Variants in RIPOR2 observed in about 807,000 individuals in gnomAD.
RIPOR2 encodes rho family-interacting cell polarization regulator 2.
In RIPOR2, 39 loss-of-function variants were observed where a neutral mutation model predicts 114.5. That is an observed-to-expected ratio of 0.34 (90% CI 0.26 to 0.44). The LOEUF (loss-of-function observed/expected upper bound fraction) is 0.44. Ranked by LOEUF, RIPOR2 falls within the 20% of genes least tolerant of loss-of-function variation. The probability of loss-of-function intolerance (pLI) is 1.00; values close to 1 mark genes in which losing one functional copy is unlikely to be tolerated. For synonymous variants in RIPOR2, 445 were observed against 484.4 expected, an observed-to-expected ratio of 0.92 and a Z score of 1.07; for missense variants, 1,007 against 1,255.1, an observed-to-expected ratio of 0.80 and a Z score of 2.99.
chr6:24,967,909 C>A (rs886521201), intron 1 of RIPOR2, among the ~76,000 whole-genome samples: 5 of 123,518 alleles, frequency 4.0e-5, no homozygotes, highest in African/African-American at 1.3e-4. Flanking sequence ...AGATCTCAAT[C>A]TTTTTTTTTT....
intron 1 of RIPOR2, among the ~76,000 whole-genome samples, chr6:24,982,659 T>C (rs1421960923): frequency 1.3e-5 from 2 of 152,212 alleles, no homozygotes; most frequent in Non-Finnish European, 2.9e-5. Context: ...CTTCTCTACA[T>C]ATAAAATGGG....
At chr6:24,838,593 A>C (rs909460527) in intron 14 of RIPOR2, among the ~76,000 whole-genome samples, 1 of 152,138 alleles carries the variant, frequency 6.6e-6, no homozygotes, top group African/African-American at 2.4e-5. Context: ...GGAGTTCAAG[A>C]CCAGCTTGGC....
At position 24,843,128 on chromosome 6, in the gene RIPOR2, T is replaced by G. The variant is rs1180771051; in HGVS notation, c.1591A>C (p.Lys531Gln). 1 of 1,614,006 alleles carries G rather than the reference T, an allele frequency of 6.2e-7. No individual in the cohort carries two copies. The highest frequency in any genetic ancestry group is 1.3e-5 in the African/African-American group (1 of 75,064). ...TCCGAAGTGTCCAGTTCCACAGGCT[T>G]GAGCTCAGAGGCCTCCTCAGACTCT... ...LQESEEASEL[K>Q]PVELDTSEGN... Residue 531 changes from lysine to glutamine, a missense_variant, in exon 13 of 22, where the codon AAG becomes CAG. Lys to Gln is a moderately conservative substitution (Grantham distance 53). Transcript: ENST00000643898.
rs116326751 is a variant in RIPOR2 at position 24,998,120 on chromosome 6, C to T, written c.76+43731G>A. 6.3e-3 allele frequency among the ~76,000 whole-genome samples: 956 copies of T among 152,226 alleles called. 8 individuals carry two copies. Among genetic ancestry groups the T allele is most frequent in the Middle Eastern group, 0.014 (4 of 294 alleles). On this transcript the variant is annotated intron_variant, in intron 1 of 13. Transcript: ENST00000510784. ...ATTTTCAGATGTAAATTAGCCCACA[C>T]TCTTAAACTGCCAAGCCCCTCTTTT...
At chr6:25,002,319 G>A (rs1376827293) in intron 1 of RIPOR2, among the ~76,000 whole-genome samples, 7 of 152,154 alleles carry the variant, frequency 4.6e-5, no homozygotes, top group African/African-American at 1.4e-4. Flanking sequence ...AGAACATAAC[G>A]TATGTCCTCC....
chr6:25,018,720 C>G (rs1776147550), intron 1 of RIPOR2, among the ~76,000 whole-genome samples: 1 of 152,086 alleles, frequency 6.6e-6, no homozygotes, highest in Non-Finnish European at 1.5e-5. Flanking sequence ...CTATTTTTGG[C>G]AAGATAATAG....
At chr6:25,034,240 T>C (rs1186205682) in intron 1 of RIPOR2, among the ~76,000 whole-genome samples, 1 of 148,746 alleles carries the variant, frequency 6.7e-6, no homozygotes, top group Non-Finnish European at 1.5e-5. Flanking sequence ...ATTAGCTTTG[T>C]ATTAGATGAA....
At chr6:25,002,974 G>A (rs1246863652) in intron 1 of RIPOR2, among the ~76,000 whole-genome samples, 1 of 152,212 alleles carries the variant, frequency 6.6e-6, no homozygotes, top group Non-Finnish European at 1.5e-5. Flanking sequence ...GTTCATAAGG[G>A]TTGCAGCTCC....
chr6:24,836,010 C>T, intron 14 of RIPOR2, 139 bp from the exon 15 acceptor site: 1 of 764,250 alleles, frequency 1.3e-6, no homozygotes, highest in Non-Finnish European at 2.1e-6. Context: ...ATAGAGACAC[C>T]TTTAAAAAAT....
chr6:24,900,533 G>C (rs1289469752), intron 1 of RIPOR2, among the ~76,000 whole-genome samples: 1 of 152,122 alleles, frequency 6.6e-6, no homozygotes, highest in African/African-American at 2.4e-5. Context: ...CCGATGCAGG[G>C]AGATGCTTGA....
In RIPOR2 at chr6:24,906,035, T is replaced by C. The variant is rs569052820; in HGVS notation, c.61+29803A>G. The stretch of plus-strand genomic sequence containing the variant: ...AATACAAGAAAGAATTAAAAGACAC[T>C]GTTGTTTTTCAGTACATAAGGTTGG... On this transcript the variant is annotated intron_variant, in intron 1 of 21. Transcript: ENST00000643898. Among the ~76,000 whole-genome samples, 6 of 152,336 alleles carry C rather than the reference T, an allele frequency of 3.9e-5. No individual in the cohort carries two copies. The East Asian group carries it at 1.2e-3, about 29-fold the overall frequency.
At chr6:24,920,888 C>T (rs927540481) in intron 1 of RIPOR2, among the ~76,000 whole-genome samples, 2 of 152,126 alleles carry the variant, frequency 1.3e-5, no homozygotes, top group Non-Finnish European at 2.9e-5. Flanking sequence ...TTTTCCCATA[C>T]CCCCAGTATT....
At chr6:25,040,186 G>A (rs1375831784) in intron 1 of RIPOR2, among the ~76,000 whole-genome samples, 1 of 150,404 alleles carries the variant, frequency 6.6e-6, no homozygotes, top group Non-Finnish European at 1.5e-5. Flanking sequence ...CACAATCTCC[G>A]CTCACTGCAA....
intron 1 of RIPOR2, among the ~76,000 whole-genome samples, chr6:24,924,634 C>A (rs1475600125): frequency 1.3e-5 from 2 of 152,138 alleles, no homozygotes; most frequent in South Asian, 2.1e-4. Context: ...GACAGATATT[C>A]TCTTTAAAAG....
At chr6:24,859,626 C>T (rs185707896) in intron 8 of RIPOR2, among the ~76,000 whole-genome samples, 123 of 152,258 alleles carry the variant, frequency 8.1e-4, no homozygotes, top group African/African-American at 2.8e-3. Context: ...GATTCCCTAC[C>T]GGATCTGCCG....
chr6:24,901,138 A>T (rs1349343958), intron 1 of RIPOR2, among the ~76,000 whole-genome samples: 1 of 152,198 alleles, frequency 6.6e-6, no homozygotes, highest in East Asian at 1.9e-4. Flanking sequence ...CTTATGTGCC[A>T]GGCTTGGCCA....
intron 1 of RIPOR2, among the ~76,000 whole-genome samples, chr6:24,951,759 T>C (rs571932752): frequency 2.6e-5 from 4 of 152,320 alleles, no homozygotes; most frequent in Admixed American, 2.6e-4. Context: ...GCTTCTGGCA[T>C]TTTCTGGGTA....
chr6:25,040,135 T>TA (rs1777401672), intron 1 of RIPOR2, among the ~76,000 whole-genome samples: 1 of 151,726 alleles, frequency 6.6e-6, no homozygotes. Flanking sequence ...TTTTTTTTTT[T>TA]AGATGGAGTT....
chr6:24,842,421 AG>A (rs1343538482), intron 13 of RIPOR2, among the ~76,000 whole-genome samples: 1 of 152,188 alleles, frequency 6.6e-6, no homozygotes, highest in Non-Finnish European at 1.5e-5. Flanking sequence ...TTGTGAGAGC[AG>A]GTAGTCTCCT....
Sources: gnomAD v4.1 joint callset for allele counts (sites outside exome capture counted in the v4.1 genomes callset) on GRCh38, gnomAD v4.1.1 for gene constraint, MANE v1.5 for transcripts, NCBI Gene and HGNC (gene_info 2026-07-23, HGNC 2026-07-21) for gene names.